Variants in SMOX observed in about 807,000 individuals in gnomAD.
SMOX encodes the protein spermine oxidase.
SMOX carries 22 observed loss-of-function variants against 51.0 expected under a neutral mutation model. The observed-to-expected ratio is 0.43, with a 90% CI of 0.31 to 0.62. The LOEUF is 0.62. Ranked by LOEUF, SMOX falls within the 20% of genes least tolerant of loss-of-function variation. The pLI is 0.10. For missense variants in SMOX, 566 were observed against 777.7 expected (o/e 0.73, Z 3.24); for synonymous variants, 282 against 307.8 (o/e 0.92, Z 0.88).
rs147730753 is a variant in SMOX at position 4,177,527 on chromosome 20, C to T, written c.385C>T (p.Arg129Cys). The T allele has an allele frequency of 5.5e-4, 872 of 1,596,814 alleles. 3 individuals carry two copies. Among genetic ancestry groups the T allele is most frequent in the Non-Finnish European group, 6.1e-4 (714 of 1,170,904 alleles). ...GGCCTGCTACCTTACCAACCACGGCCGCAGGATCCCCAAGGACGTGGTTGA... is the reference window on the plus strand; with the variant it reads ...GGCCTGCTACCTTACCAACCACGGCTGCAGGATCCCCAAGGACGTGGTTGA... ...GVACYLTNHGRRIPKDVVEEF... is the reference protein window; with the variant it reads ...GVACYLTNHGCRIPKDVVEEF... The change falls in exon 3 of 7, where the codon CGC becomes TGC. Residue 129 changes from arginine (R) to cysteine (C), a missense_variant. Arg to Cys is a radical substitution (Grantham distance 180). Transcript: ENST00000305958. The surrounding 1 kb of genome is among the most constrained non-coding windows in gnomAD (Gnocchi z 4.3).
intron 1 of SMOX, among the ~76,000 whole-genome samples, chr20:4,160,430 G>C (rs371241040): frequency 9.9e-5 from 15 of 152,214 alleles, no homozygotes; most frequent in Admixed American, 7.9e-4. Flanking sequence ...AGCAGGGATT[G>C]AGCAGTGTTG....
chr20:4,181,964 G>A lies in SMOX; in HGVS notation c.597G>A (p.Gln199=), dbSNP rs767199961. 5.6e-6 allele frequency: 9 copies of A among 1,614,002 alleles called. No homozygotes were observed. In the Admixed American group the frequency reaches 1.3e-4, roughly 24 times the overall value. ...AGCGCCTGAAGCTCGCCATGATCCA[G>A]CAGTACCTGAAGGTATCTTGAGGAA... ...ATKRLKLAMI[Q]QYLKVESCES... The change falls in exon 4 of 7, where the codon CAG becomes CAA. Residue 199 remains glutamine (Q), a synonymous_variant. Coordinates refer to ENST00000305958, the MANE Select transcript of SMOX (RefSeq NM_175839.3). This position sits in a 1 kb window ranked among gnomAD's most constrained non-coding sequence, Gnocchi z 5.6.
At chr20:4,158,789 C>G (rs1320503465) in intron 1 of SMOX, among the ~76,000 whole-genome samples, 1 of 151,980 alleles carries the variant, frequency 6.6e-6, no homozygotes, top group Non-Finnish European at 1.5e-5. Flanking sequence ...TCAACTGCTC[C>G]CCACCCATAA....
chr20:4,184,675 C>T (rs993964966), intron 6 of SMOX, among the ~76,000 whole-genome samples: 4 of 152,122 alleles, frequency 2.6e-5, no homozygotes, highest in East Asian at 1.9e-4. Context: ...GCCTGCCCAA[C>T]GGTGCTCAGA....
intron 1 of SMOX, among the ~76,000 whole-genome samples, chr20:4,150,560 T>C (rs1342687516): frequency 6.6e-6 from 1 of 152,218 alleles, no homozygotes; most frequent in East Asian, 1.9e-4. Context: ...CTCTCTCTGG[T>C]CTATTTACAA....
intron 1 of SMOX, among the ~76,000 whole-genome samples, chr20:4,168,441 C>G (rs894087934): frequency 6.6e-6 from 1 of 152,096 alleles, no homozygotes; most frequent in African/African-American, 2.4e-5. Flanking sequence ...CTCTGGGAAG[C>G]GGATTAGGAA....
rs1188376628 is a variant in SMOX, at chr20:4,187,458, C to T, written c.*51C>T. 1.3e-5 allele frequency: 21 copies of T among 1,591,662 alleles called. No individual in the cohort carries two copies. The highest frequency in any genetic ancestry group is 1.6e-5 in the Non-Finnish European group (19 of 1,166,704). Reference sequence around the variant, plus strand: ...CCACTAACTCGTGACCTCCAGCCTGCCCCTTGCTGCCGTGTGCTCCTGCCT... The same window carrying T: ...CCACTAACTCGTGACCTCCAGCCTGTCCCTTGCTGCCGTGTGCTCCTGCCT... On this transcript the variant is annotated 3_prime_UTR_variant, in exon 7 of 7. Coordinates refer to ENST00000305958, the MANE Select transcript of SMOX (RefSeq NM_175839.3). The surrounding 1 kb of genome is among the most constrained non-coding windows in gnomAD (Gnocchi z 4.8).
At chr20:4,176,538 CA>C (rs1316355988) in intron 2 of SMOX, among the ~76,000 whole-genome samples, 1 of 152,182 alleles carries the variant, frequency 6.6e-6, no homozygotes, top group African/African-American at 2.4e-5. Context: ...AAACACCCCC[CA>C]AAATTTCTAT....
At chr20:4,162,598 G>A (rs767307873) in intron 1 of SMOX, among the ~76,000 whole-genome samples, 2 of 152,176 alleles carry the variant, frequency 1.3e-5, no homozygotes, top group Non-Finnish European at 2.9e-5. Flanking sequence ...AGGGCAGGGG[G>A]CCCTGTCTCT....
At position 4,183,618 on chromosome 20, in the gene SMOX, C is replaced by T. The variant is rs1979517009; in HGVS notation, c.1494C>T (p.Ala498=). The T allele has an allele frequency of 6.2e-7, 1 of 1,600,310 alleles. No individual in the cohort carries two copies. Among genetic ancestry groups the T allele is most frequent in the Non-Finnish European group, 8.5e-7 (1 of 1,172,984 alleles). The change falls in exon 6 of 7, where the codon GCC becomes GCT. Residue 498 remains alanine, a synonymous_variant. Transcript: ENST00000305958. This position sits in a 1 kb window ranked among gnomAD's most constrained non-coding sequence, Gnocchi z 4.3. ...GSSGADVEKL[A]KPLPYTESSK... ...GCGGGGCGGATGTGGAGAAGCTGGC[C>T]AAGCCCCTGCCGTACACAGAGAGCT...
chr20:4,160,750 G>C (rs561459632), intron 1 of SMOX, among the ~76,000 whole-genome samples: 1 of 152,206 alleles, frequency 6.6e-6, no homozygotes, highest in Non-Finnish European at 1.5e-5. Flanking sequence ...TGCTGGAAAA[G>C]GGTTTACAGT....
At chr20:4,158,521 G>A (rs537613139) in intron 1 of SMOX, among the ~76,000 whole-genome samples, 3 of 152,194 alleles carry the variant, frequency 2.0e-5, no homozygotes, top group African/African-American at 7.2e-5. Context: ...CTTGAGGGAC[G>A]GCATTAAGGA....
chr20:4,186,767 C>T (rs370758987), intron 6 of SMOX: 12 of 780,940 alleles, frequency 1.5e-5, no homozygotes, highest in African/African-American at 3.4e-5. Context: ...AAAGCAGCAG[C>T]CTGGTCACCT....
intron 1 of SMOX, among the ~76,000 whole-genome samples, chr20:4,174,620 TCTC>T (rs1376674014): frequency 6.6e-6 from 1 of 152,098 alleles, no homozygotes. Context: ...TTCTTGGTCA[TCTC>T]CTCACTGGCT....
At chr20:4,180,641 C>G (rs1003816769) in intron 3 of SMOX, among the ~76,000 whole-genome samples, 1 of 152,318 alleles carries the variant, frequency 6.6e-6, no homozygotes, top group South Asian at 2.1e-4. Context: ...CCCTGCCTGC[C>G]CTTCCAAAGT....
intron 1 of SMOX, among the ~76,000 whole-genome samples, chr20:4,164,860 C>T (rs972562543): frequency 5.9e-5 from 9 of 152,008 alleles, no homozygotes; most frequent in East Asian, 5.8e-4. Flanking sequence ...CTTGCACCAA[C>T]GTATTCACCA....
In SMOX at chr20:4,149,086, AG is replaced by A. The variant is rs1488562783; in HGVS notation, c.-27+112del. ...GGTGAGGGGCCCGGAGCGGTCCCCG[AG>A]GGCTCGGCCGGCCCGGGGCTTGGGC... On this transcript the variant is annotated intron_variant, in intron 1 of 6. Coordinates refer to ENST00000305958, the MANE Select transcript of SMOX (RefSeq NM_175839.3). The surrounding 1 kb of genome is among the most constrained non-coding windows in gnomAD (Gnocchi z 6.0). The A allele has an allele frequency of 6.7e-6, 1 of 148,828 alleles. No individual in the cohort carries two copies. The highest frequency in any genetic ancestry group is 1.5e-5 in the Non-Finnish European group (1 of 66,838). 9.2% of individuals were successfully genotyped at this position (148,828 alleles called of 1,614,324 possible). A position where few individuals can be genotyped will look rare whatever the true frequency, so the allele number is the denominator to read the frequency against.
At chr20:4,163,598 G>C (rs1041763098) in intron 1 of SMOX, among the ~76,000 whole-genome samples, 1 of 152,340 alleles carries the variant, frequency 6.6e-6, no homozygotes, top group East Asian at 1.9e-4. Context: ...TTGGGAATTT[G>C]GTAGCAGTTT....
chr20:4,150,280 G>A (rs987986592), intron 1 of SMOX, among the ~76,000 whole-genome samples: 1 of 152,194 alleles, frequency 6.6e-6, no homozygotes, highest in East Asian at 1.9e-4. Flanking sequence ...CAGCTCTTCC[G>A]TTCTTTTGCT....
Sources: gnomAD v4.1 joint callset for allele counts (sites outside exome capture counted in the v4.1 genomes callset) on GRCh38, gnomAD v4.1.1 for gene constraint, Gnocchi (gnomAD v3.1) non-coding constraint, MANE v1.5 for transcripts, NCBI Gene and HGNC (gene_info 2026-07-23, HGNC 2026-07-21) for gene names.